GGT7: variants seen among roughly 807,000 people sequenced by gnomAD.
The protein encoded by GGT7 is glutathione hydrolase 7.
In GGT7, 30 loss-of-function variants were observed where a neutral mutation model predicts 69.2. The ratio of observed to expected loss-of-function variants is 0.43; its 90% CI spans 0.32 to 0.59. The LOEUF (loss-of-function observed/expected upper bound fraction) is 0.59. Ranked by LOEUF, GGT7 falls within the 20% of genes least tolerant of loss-of-function variation. The pLI is 0.05. For synonymous variants in GGT7, 388 were observed against 391.8 expected (o/e 0.99, Z 0.12); for missense variants, 733 against 901.1 (o/e 0.81, Z 2.39).
In GGT7 at chr20:34,872,833, A is replaced by AGCAGC; in HGVS notation, c.-23_-19dup. ...GCCGCCATCCTCGCCCGCGCCCCCC[A>AGCAGC]GCAGCGCAGCGCCTGCCGGAAGTGG... On this transcript the variant is annotated 5_prime_UTR_variant, in exon 1 of 15. Transcript: ENST00000336431. 7.5e-7 allele frequency: 1 copy of AGCAGC among 1,331,986 alleles called. No individual in the cohort carries two copies. Among genetic ancestry groups the AGCAGC allele is most frequent in the Non-Finnish European group, 9.7e-7 (1 of 1,034,364 alleles). The allele number at this position is 1,331,986 out of a possible 1,614,324, so 82.5% of individuals were successfully genotyped here.
In GGT7 at chr20:34,854,578, A is replaced by G. The variant is rs761820242; in HGVS notation, c.1272T>C (p.Asp424=). 2.8e-5 allele frequency: 45 copies of G among 1,613,052 alleles called. No individual in the cohort carries two copies. The highest frequency in any genetic ancestry group is 1.7e-5 in the Admixed American group (1 of 59,970). Residue 424 remains aspartate, a synonymous_variant, in exon 10 of 15, where the codon GAT becomes GAC. Transcript: ENST00000336431. ...CAGTGATGGTAGAATCATAGACGGG[A>G]TCTCCCAGTCTGCTGGCCAGGGCTA... ...IALALASRLG[D]PVYDSTITES... is the part of the protein sequence containing the mutation.
At chr20:34,861,934 C>T (rs900653074) in intron 3 of GGT7, among the ~76,000 whole-genome samples, 3 of 152,154 alleles carry the variant, frequency 2.0e-5, no homozygotes, top group African/African-American at 7.2e-5. Context: ...CCTTGCCCCT[C>T]CCCCAGGACT....
At chr20:34,864,170 G>T (rs556051889) in intron 1 of GGT7, among the ~76,000 whole-genome samples, 1 of 152,192 alleles carries the variant, frequency 6.6e-6, no homozygotes, top group African/African-American at 2.4e-5. Flanking sequence ...GGTGGTAGGG[G>T]AGGGAGGATT....
chr20:34,864,169 G>A (rs965010665), intron 1 of GGT7, among the ~76,000 whole-genome samples: 3 of 152,278 alleles, frequency 2.0e-5, no homozygotes, highest in Middle Eastern at 6.8e-3. Flanking sequence ...TGGTGGTAGG[G>A]GAGGGAGGAT....
At chr20:34,855,326 A>T (rs2079472509) in intron 8 of GGT7, among the ~76,000 whole-genome samples, 1 of 152,186 alleles carries the variant, frequency 6.6e-6, no homozygotes, top group South Asian at 2.1e-4. Flanking sequence ...TGATGGTCTC[A>T]TCCAGCCCCA....
chr20:34,850,099 A>T, intron 13 of GGT7, 39 bp from the exon 14 acceptor site: 1 of 1,358,214 alleles, frequency 7.4e-7, no homozygotes. Flanking sequence ...GGGCTGTCCC[A>T]GGGGTGATGG....
At chr20:34,862,583 T>TA (rs113536080) in intron 3 of GGT7, among the ~76,000 whole-genome samples, 12,282 of 126,844 alleles carry the variant, frequency 0.097, 1,601 homozygotes, top group African/African-American at 0.31. Flanking sequence ...TTTTTCTAGT[T>TA]AAAAAAAAAA....
chr20:34,864,909 G>A (rs1167797289), intron 1 of GGT7, among the ~76,000 whole-genome samples: 1 of 151,732 alleles, frequency 6.6e-6, no homozygotes, highest in African/African-American at 2.4e-5. Flanking sequence ...TGCACCCTCC[G>A]CTTCCTGGGT....
At chr20:34,846,477 A>ATTTTT (rs112911298) in intron 14 of GGT7, among the ~76,000 whole-genome samples, 1 of 143,814 alleles carries the variant, frequency 7.0e-6, no homozygotes. Flanking sequence ...CTAATTTTCT[A>ATTTTT]TTTTTTTTTT....
In GGT7 at chr20:34,863,047, CG is replaced by C; in HGVS notation, c.406-83del. 7.2e-7 allele frequency: 1 copy of C among 1,389,722 alleles called. No individual in the cohort carries two copies. Among genetic ancestry groups the C allele is most frequent in the Non-Finnish European group, 9.9e-7 (1 of 1,014,020 alleles). The allele number at this position is 1,389,722 out of a possible 1,614,324, so 86.1% of individuals were successfully genotyped here. Reference sequence around the variant, plus strand: ...CACCTCCACTAGCCCTAGAACTCTACGCGGCATGAAGGTCGAAGCCCTGCCC... The same window carrying C: ...CACCTCCACTAGCCCTAGAACTCTACCGGCATGAAGGTCGAAGCCCTGCCC... On this transcript the variant is annotated intron_variant, in intron 2 of 14. Transcript: ENST00000336431. The surrounding 1 kb of genome is among the most constrained non-coding windows in gnomAD (Gnocchi z 4.4).
rs202144602 is a variant in GGT7, at chr20:34,862,936, A to C, written c.435T>G (p.Asp145Glu). ...QIFQQGAVVT[D>E]AARCTSLGIE... ...TGCCCAGTGAAGTGCAGCGGGCAGC[A>C]TCGGTCACCACGGCACCCTGCTGGA... Residue 145 changes from aspartate to glutamate, a missense_variant, in exon 3 of 15, where the codon GAT becomes GAG. By Grantham distance (45) the Asp-to-Glu change is conservative (BLOSUM62 2). Transcript: ENST00000336431. 2.1e-5 allele frequency: 34 copies of C among 1,613,856 alleles called. No individual in the cohort carries two copies. In the Admixed American group the frequency reaches 4.2e-4, roughly 20 times the overall value.
chr20:34,849,161 CTTTTT>C (rs750114916), intron 14 of GGT7, among the ~76,000 whole-genome samples: 1 of 138,406 alleles, frequency 7.2e-6, no homozygotes, highest in Non-Finnish European at 1.6e-5. Context: ...CTCTCTCTTA[CTTTTT>C]TTTTTTTTTT....
In GGT7 at chr20:34,872,807, C is replaced by A; in HGVS notation, c.9G>T (p.Ala3=). MA[A]ENEASQESAL... is the part of the protein sequence containing the mutation. ...CGCTCTCCTGGCTGGCCTCGTTCTC[C>A]GCCGCCATCCTCGCCCGCGCCCCCC... The change falls in exon 1 of 15, where the codon GCG becomes GCT. Residue 3 remains alanine (A), a synonymous_variant. Transcript: ENST00000336431. The A allele has an allele frequency of 7.4e-7, 1 of 1,350,884 alleles. No individual in the cohort carries two copies. The highest frequency in any genetic ancestry group is 9.6e-7 in the Non-Finnish European group (1 of 1,044,974). 83.7% of individuals were successfully genotyped at this position (1,350,884 alleles called of 1,614,324 possible). A position where few individuals can be genotyped will look rare whatever the true frequency, so the allele number is the denominator to read the frequency against.
At position 34,859,451 on chromosome 20, in the gene GGT7, C is replaced by T; in HGVS notation, c.1006G>A (p.Val336Met). Reference protein sequence around the residue: ...YAGGNLTLEMVAEAQHAGGVI... With the variant: ...YAGGNLTLEMMAEAQHAGGVI... Reference sequence around the variant, plus strand: ...ACAACACGAGCACTTACCTCGGCCACCATCTCCAGTGTGAGGTTGCCACCT... The same window carrying T: ...ACAACACGAGCACTTACCTCGGCCATCATCTCCAGTGTGAGGTTGCCACCT... Residue 336 changes from valine (V) to methionine (M), a missense_variant, in exon 7 of 15, where the codon GTG (valine) becomes ATG (methionine). Val to Met is a conservative substitution (Grantham distance 21). Coordinates refer to ENST00000336431, the MANE Select transcript of GGT7 (RefSeq NM_178026.3). 1 of 1,583,328 alleles carries T rather than the reference C, an allele frequency of 6.3e-7. No individual in the cohort carries two copies. Among genetic ancestry groups the T allele is most frequent in the South Asian group, 1.1e-5 (1 of 88,826 alleles).
chr20:34,863,493 C>T lies in GGT7; in HGVS notation c.225G>A (p.Ser75=). 3 of 1,603,214 alleles carry T rather than the reference C, an allele frequency of 1.9e-6. No homozygotes were observed. The highest frequency in any genetic ancestry group is 8.5e-7 in the Non-Finnish European group (1 of 1,175,276). Residue 75 remains serine (S), a synonymous_variant, in exon 2 of 15, where the codon TCG becomes TCA. Coordinates refer to ENST00000336431, the MANE Select transcript of GGT7 (RefSeq NM_178026.3). The surrounding 1 kb of genome is among the most constrained non-coding windows in gnomAD (Gnocchi z 4.4). ...ARLQRLPSSS[S]EMGSQDGSPL... Reference sequence around the variant, plus strand: ...GCGACCCGTCTTGGCTGCCCATCTCCGACGACGACGATGGCAGCCGCTGCA... The same window carrying T: ...GCGACCCGTCTTGGCTGCCCATCTCTGACGACGACGATGGCAGCCGCTGCA...
intron 7 of GGT7, among the ~76,000 whole-genome samples, chr20:34,857,615 A>ATTTTTTT (rs5841184): frequency 2.5e-5 from 3 of 118,014 alleles, no homozygotes; most frequent in East Asian, 2.4e-4. Flanking sequence ...TTACACATTG[A>ATTTTTTT]TTTTTTTTTT....
intron 3 of GGT7, 130 bp from the exon 4 acceptor site, chr20:34,861,692 C>A: frequency 2.0e-6 from 1 of 504,988 alleles, no homozygotes; most frequent in Non-Finnish European, 3.3e-6. Flanking sequence ...GGTGTCTGAG[C>A]TCCCTCCCCA....
Position 34,854,891 on chromosome 20 carries a change from T to G in GGT7, c.1135A>C (p.Thr379Pro). The change falls in exon 9 of 15, where the codon ACG (threonine) becomes CCG (proline). Residue 379 changes from threonine to proline, a missense_variant. By Grantham distance (38) the Thr-to-Pro change is conservative (BLOSUM62 -1). Transcript: ENST00000336431. ...HLVLSPPPPH[T>P]GPALISALNI... Reference sequence around the variant, plus strand: ...AGAGCACTGATGAGGGCAGGGCCCGTGTGCGGAGGTGGGGGACTAAGAACC... The same window carrying G: ...AGAGCACTGATGAGGGCAGGGCCCGGGTGCGGAGGTGGGGGACTAAGAACC... 1 of 1,613,772 alleles carries G rather than the reference T, an allele frequency of 6.2e-7. No individual in the cohort carries two copies. Among genetic ancestry groups the G allele is most frequent in the Non-Finnish European group, 8.5e-7 (1 of 1,179,860 alleles).
chr20:34,869,346 A>AT (rs1396805631), intron 1 of GGT7, among the ~76,000 whole-genome samples: 1 of 151,624 alleles, frequency 6.6e-6, no homozygotes, highest in Non-Finnish European at 1.5e-5. Flanking sequence ...TAATTTTTGT[A>AT]TTTTTTCTAG....
Sources: allele counts gnomAD v4.1 joint callset (sites outside exome capture counted in the v4.1 genomes callset), GRCh38; gene constraint gnomAD v4.1.1; non-coding constraint Gnocchi (gnomAD v3.1); transcripts MANE v1.5; gene names NCBI Gene and HGNC (gene_info 2026-07-23, HGNC 2026-07-21).